The following INTS1 variants were observed in gnomAD, a reference collection of about 807,000 sequenced individuals.
INTS1 encodes the protein integrator complex subunit 1.
INTS1 carries 137 observed loss-of-function variants against 241.6 expected under a neutral mutation model. The observed-to-expected ratio is 0.57, with a 90% confidence interval of 0.49 to 0.65. The LOEUF is 0.65. INTS1 is among the 30% of genes least tolerant of loss of function. The pLI is 0.00. For missense variants in INTS1, 3,073 were observed against 3,032.2 expected (o/e 1.01, Z -0.32); for synonymous variants, 1,692 against 1,337.8 (o/e 1.26, Z -5.78).
chr7:1,483,140 G>A, intron 26 of INTS1: 1 of 213,708 alleles, frequency 4.7e-6, no homozygotes, highest in South Asian at 7.9e-5. Flanking sequence ...CCCAACAGGG[G>A]TCACCACCCA....
intron 38 of INTS1, 60 bp from the exon 39 acceptor site, chr7:1,476,131 G>T (rs1781705615): frequency 6.6e-7 from 1 of 1,526,510 alleles, no homozygotes; most frequent in Non-Finnish European, 8.8e-7. Context: ...GGGGTGGGTG[G>T]ACGGGACCAG....
At chr7:1,471,480 G>A in intron 45 of INTS1, 91 bp downstream of exon 45, 2 of 1,397,942 alleles carry the variant, frequency 1.4e-6, no homozygotes, top group Non-Finnish European at 2.0e-6. Flanking sequence ...CTGGGGCTCA[G>A]CGCGGGCACG....
intron 47 of INTS1, 39 bp from the exon 48 acceptor site, chr7:1,470,731 C>T: frequency 6.7e-7 from 1 of 1,493,770 alleles, no homozygotes; most frequent in Non-Finnish European, 9.0e-7. Context: ...ACGCTGGCCA[C>T]AACATCCTGG....
In INTS1 at chr7:1,474,367, G is replaced by T; in HGVS notation, c.5637-7C>A. The T allele has an allele frequency of 6.3e-7, 1 of 1,582,688 alleles. No homozygotes were observed. The highest frequency in any genetic ancestry group is 8.6e-7 in the Non-Finnish European group (1 of 1,165,036). ...CGCGATCATGGGCAGGTGCCTGCGG[G>T]CGCGGTGAGGGCCCAGTCAGCCCCG... On this transcript the variant is annotated splice_polypyrimidine_tract_variant and splice_region_variant and intron_variant, in intron 40 of 47. Coordinates refer to ENST00000404767, the MANE Select transcript of INTS1 (RefSeq NM_001080453.3).
chr7:1,478,443 C>G lies in INTS1; in HGVS notation c.4553G>C (p.Ser1518Thr). 1 of 1,612,518 alleles carries G rather than the reference C, an allele frequency of 6.2e-7. No homozygotes were observed. Among genetic ancestry groups the G allele is most frequent in the Non-Finnish European group, 8.5e-7 (1 of 1,179,754 alleles). Residue 1518 changes from serine (S) to threonine (T), a missense_variant, in exon 33 of 48, where the codon AGC becomes ACC. Ser to Thr is a moderately conservative substitution (Grantham distance 58). Coordinates refer to ENST00000404767, the MANE Select transcript of INTS1 (RefSeq NM_001080453.3). ...LAFRQDLEVVSSTVRAVIATL... is the reference protein window; with the variant it reads ...LAFRQDLEVVTSTVRAVIATL... ...GGCGATGACGGCACGGACGGTGGAG[C>G]TGACCACCTCCAGGTCCTGACGGAA...
At position 1,471,464 on chromosome 7, in the gene INTS1, G is replaced by A. The variant is rs1334259983; in HGVS notation, c.6255+107C>T. On this transcript the variant is annotated intron_variant, in intron 45 of 47. Transcript: ENST00000404767. The stretch of plus-strand genomic sequence containing the variant: ...CCCCACCCGAAGCCCAGCCTCAGAG[G>A]ACTCCCTGGGGCTCAGCGCGGGCAC... 3.2e-6 allele frequency: 4 copies of A among 1,253,116 alleles called. No homozygotes were observed. In the Admixed American group the frequency reaches 5.6e-5, roughly 18 times the overall value. The allele number at this position is 1,253,116 out of a possible 1,614,324, so 77.6% of individuals were successfully genotyped here.
intron 40 of INTS1, 141 bp downstream of exon 40, chr7:1,474,564 T>A (rs566110136): frequency 1.6e-6 from 2 of 1,287,704 alleles, no homozygotes; most frequent in African/African-American, 3.0e-5. Context: ...CAGTCCTGAC[T>A]TCCCCCGGTC....
intron 41 of INTS1, 65 bp from the exon 42 acceptor site, chr7:1,473,758 C>A: frequency 6.3e-7 from 1 of 1,588,674 alleles, no homozygotes; most frequent in Non-Finnish European, 8.6e-7. Flanking sequence ...AGCCTGTGCT[C>A]CCATCTGCTC....
At position 1,485,173 on chromosome 7, in the gene INTS1, G is replaced by A; in HGVS notation, c.3186C>T (p.Thr1062=). The change falls in exon 24 of 48, where the codon ACC becomes ACT. Residue 1062 remains threonine (T), a synonymous_variant. Coordinates refer to ENST00000404767, the MANE Select transcript of INTS1 (RefSeq NM_001080453.3). ...ACAAGTAGATCAGGTAGGCGCTGAT[G>A]GTCTGGGGATCAGTCTCCATGTGGA... is the stretch of plus-strand genomic sequence containing the variant. ...QAIHMETDPQ[T]ISAYLIYLSQ... 1 of 1,600,750 alleles carries A rather than the reference G, an allele frequency of 6.2e-7. No homozygotes were observed. The highest frequency in any genetic ancestry group is 8.5e-7 in the Non-Finnish European group (1 of 1,179,622).
chr7:1,497,328 A>G lies in INTS1; in HGVS notation c.1426-14T>C, dbSNP rs995852177. On this transcript the variant is annotated splice_polypyrimidine_tract_variant and intron_variant, in intron 10 of 47. Transcript: ENST00000404767. This position sits in a 1 kb window ranked among gnomAD's most constrained non-coding sequence, Gnocchi z 5.3. The stretch of plus-strand genomic sequence containing the variant: ...CATGGCCAGGAACTGGGGCAGAGAG[A>G]GGCCGCGTGGGAGGCTGCCCGACAG... The G allele has an allele frequency of 2.5e-6, 4 of 1,607,894 alleles. No individual in the cohort carries two copies. Among genetic ancestry groups the G allele is most frequent in the Non-Finnish European group, 3.4e-6 (4 of 1,176,898 alleles).
intron 29 of INTS1, 72 bp from the exon 30 acceptor site, chr7:1,480,513 C>T (rs1449863431): frequency 1.3e-6 from 2 of 1,523,624 alleles, no homozygotes; most frequent in South Asian, 1.2e-5. Context: ...ACTGTACAAG[C>T]CATGGCGAGT....
chr7:1,494,509 G>C (rs577773818), intron 14 of INTS1: 1 of 480,938 alleles, frequency 2.1e-6, no homozygotes, highest in South Asian at 2.0e-5. Context: ...ATCTGAGACT[G>C]CGTGAAGGGT....
At chr7:1,492,926 C>T (rs569538300) in intron 16 of INTS1, 84 bp downstream of exon 16, 13 of 860,082 alleles carry the variant, frequency 1.5e-5, no homozygotes, top group South Asian at 6.4e-5. Context: ...GAGTGGGGAG[C>T]GGGGCGCGGG....
Position 1,476,215 on chromosome 7 carries a change from G to A in INTS1, c.5378+14C>T. 5.8e-6 allele frequency: 9 copies of A among 1,545,964 alleles called. No homozygotes were observed. The highest frequency in any genetic ancestry group is 7.8e-6 in the Non-Finnish European group (9 of 1,146,544). On this transcript the variant is annotated intron_variant, in intron 38 of 47. Coordinates refer to ENST00000404767, the MANE Select transcript of INTS1 (RefSeq NM_001080453.3). ...CACTCCCAGGCAGCATCTGGGGCCG[G>A]GGGGCCTGAGCACCTGTCTCCCCAC...
chr7:1,474,935 G>A (rs901937575), intron 39 of INTS1, 97 bp from the exon 40 acceptor site: 16 of 1,458,522 alleles, frequency 1.1e-5, no homozygotes, highest in African/African-American at 2.8e-5. Context: ...GATCCACCGC[G>A]TGGCACGCCA....
At chr7:1,492,243 A>G (rs777654193) in intron 16 of INTS1, among the ~76,000 whole-genome samples, 5 of 152,182 alleles carry the variant, frequency 3.3e-5, no homozygotes, top group Admixed American at 2.0e-4. Context: ...CTGTCCACAC[A>G]GTGGGGTGCC....
chr7:1,474,079 C>T (rs1781596535), intron 41 of INTS1, 89 bp downstream of exon 41: 48 of 1,396,668 alleles, frequency 3.4e-5, no homozygotes, highest in Non-Finnish European at 4.5e-5. Flanking sequence ...CAGAGGTCCT[C>T]CCAGTCCCTC....
At chr7:1,471,429 G>T in intron 45 of INTS1, 142 bp downstream of exon 45, 2 of 1,048,508 alleles carry the variant, frequency 1.9e-6, no homozygotes, top group Non-Finnish European at 2.8e-6. Context: ...GTGAACACCT[G>T]GGCTGGGGCC....
chr7:1,471,914 G>A (rs1164663480), intron 44 of INTS1, among the ~76,000 whole-genome samples: 1 of 152,178 alleles, frequency 6.6e-6, no homozygotes, highest in Non-Finnish European at 1.5e-5. Context: ...CCCACGGCCC[G>A]ACTCCATCCG....
Sources: allele counts gnomAD v4.1 joint callset (sites outside exome capture counted in the v4.1 genomes callset), GRCh38; gene constraint gnomAD v4.1.1; non-coding constraint Gnocchi (gnomAD v3.1); transcripts MANE v1.5; gene names NCBI Gene and HGNC (gene_info 2026-07-23, HGNC 2026-07-21).